The following JKAMP variants were observed in gnomAD, a reference collection of about 807,000 sequenced individuals.
The protein encoded by JKAMP is JNK1/MAPK8-associated membrane protein.
In JKAMP, 20 loss-of-function variants were observed where a neutral mutation model predicts 40.2. That is an observed-to-expected ratio of 0.50 (90% CI 0.35 to 0.72). The LOEUF (loss-of-function observed/expected upper bound fraction) is 0.72. Among genes scored for constraint, JKAMP ranks in the 30% least tolerant of loss-of-function variants. The probability of loss-of-function intolerance (pLI) is 0.01; values close to 1 mark genes in which losing one functional copy is unlikely to be tolerated. For synonymous variants in JKAMP, 138 were observed against 131.6 expected (o/e 1.05, Z -0.33); for missense variants, 276 against 373.0 (o/e 0.74, Z 2.14).
rs767399067 is a variant in JKAMP at position 59,500,618 on chromosome 14, T to C, written c.641-573T>C. Among the ~76,000 whole-genome samples, 8 of 152,220 alleles carry C rather than the reference T, an allele frequency of 5.3e-5. No homozygotes were observed. The East Asian group carries it at 7.7e-4, about 15-fold the overall frequency. ...ATTAATTAAAGCTGAGTTACTCTTA[T>C]AGATAACCTTTTTCAACTGCGGTTC... On this transcript the variant is annotated intron_variant, in intron 5 of 6. Transcript: ENST00000616435.
Position 59,494,873 on chromosome 14 carries a change from T to C in JKAMP, c.252-145T>C, listed in dbSNP as rs1891319865. On this transcript the variant is annotated intron_variant, in intron 3 of 6. Coordinates refer to ENST00000616435, the MANE Select transcript of JKAMP (RefSeq NM_016475.5). ...ATACTGCTACAGTGTTATTTATCCC[T>C]TTTGAGAAAAAAAGGTTATACTCGA... 3 of 624,510 alleles carry C rather than the reference T, an allele frequency of 4.8e-6. No individual in the cohort carries two copies. The African/African-American group carries it at 5.5e-5, about 11-fold the overall frequency. 38.7% of individuals were successfully genotyped at this position (624,510 alleles called of 1,614,324 possible). A position where few individuals can be genotyped will look rare whatever the true frequency, so the allele number is the denominator to read the frequency against.
At chr14:59,490,127 G>T (rs111932918) in intron 3 of JKAMP, among the ~76,000 whole-genome samples, 1,770 of 152,010 alleles carry the variant, frequency 0.012, 28 homozygotes, top group African/African-American at 0.041. Context: ...TCTCTATGTT[G>T]CCCAGGCTGG....
intron 5 of JKAMP, 23 bp from the exon 6 acceptor site, chr14:59,501,164 AACAT>A: frequency 7.2e-7 from 1 of 1,390,118 alleles, no homozygotes; most frequent in Non-Finnish European, 1.0e-6. Flanking sequence ...TTTCATTTCC[AACAT>A]AATACCAATG....
intron 3 of JKAMP, among the ~76,000 whole-genome samples, chr14:59,492,349 A>G (rs559924857): frequency 1.3e-5 from 2 of 152,346 alleles, no homozygotes; most frequent in Admixed American, 1.3e-4. Context: ...ACTGAGAAAG[A>G]AGGAGATGGA....
At chr14:59,491,665 A>G (rs1030853818) in intron 3 of JKAMP, among the ~76,000 whole-genome samples, 18 of 152,252 alleles carry the variant, frequency 1.2e-4, no homozygotes, top group African/African-American at 3.9e-4. Context: ...AGTCTGGGAA[A>G]GATAAACTAT....
In JKAMP at chr14:59,497,214, A is replaced by G. The variant is rs145252211; in HGVS notation, c.459-1513A>G. ...AAAAAACATGTAAGCTTCTATCATT[A>G]TAACTTACTGCAAAAAAATAACTTT... On this transcript the variant is annotated intron_variant, in intron 4 of 6. Transcript: ENST00000616435. Among the ~76,000 whole-genome samples, 722 of 152,280 alleles carry G rather than the reference A, an allele frequency of 4.7e-3. 4 individuals carry two copies. The highest frequency in any genetic ancestry group is 0.014 in the Middle Eastern group (4 of 294).
Position 59,484,531 on chromosome 14 carries a change from C to A in JKAMP, c.-59C>A. 6.4e-7 allele frequency: 1 copy of A among 1,555,770 alleles called. No homozygotes were observed. The highest frequency in any genetic ancestry group is 8.7e-7 in the Non-Finnish European group (1 of 1,148,794). On this transcript the variant is annotated 5_prime_UTR_variant, in exon 1 of 7. Transcript: ENST00000616435. ...CCGAGCTCGCTGTGGCCCGGATGTT[C>A]GGTGCAGCTGCCAGATCCGCTGATC...
intron 5 of JKAMP, among the ~76,000 whole-genome samples, chr14:59,499,469 A>G (rs1891710004): frequency 6.6e-6 from 1 of 152,156 alleles, no homozygotes; most frequent in South Asian, 2.1e-4. Flanking sequence ...AGTCCTCAAT[A>G]TATCTTTTAT....
In JKAMP at chr14:59,504,607, A is replaced by C. The variant is rs1199449509; in HGVS notation, c.*535A>C. On this transcript the variant is annotated 3_prime_UTR_variant, in exon 7 of 7. Coordinates refer to ENST00000616435, the MANE Select transcript of JKAMP (RefSeq NM_016475.5). ...ATTTTGATGTATTGCAAAAATAGAT[A>C]ATAATTTATATAACAGGTTTTCTGT... is the stretch of plus-strand genomic sequence containing the variant. 1 of 152,816 alleles carries C rather than the reference A, an allele frequency of 6.5e-6. No homozygotes were observed. The highest frequency in any genetic ancestry group is 1.5e-5 in the Non-Finnish European group (1 of 68,148). The allele number at this position is 152,816 out of a possible 1,614,324, so 9.5% of individuals were successfully genotyped here.
chr14:59,484,615 G>T, intron 1 of JKAMP, 22 bp downstream of exon 1: 1 of 1,578,172 alleles, frequency 6.3e-7, no homozygotes, highest in Non-Finnish European at 8.6e-7. Context: ...CCAAGATCCC[G>T]GGAAGCGTTT....
At chr14:59,495,303 GA>G (rs1891365295) in intron 4 of JKAMP, 79 bp downstream of exon 4, 1 of 1,097,796 alleles carries the variant, frequency 9.1e-7, no homozygotes, top group African/African-American at 1.6e-5. Flanking sequence ...GGCGTTTGGA[GA>G]CAAAAACAGG....
intron 3 of JKAMP, among the ~76,000 whole-genome samples, chr14:59,490,387 G>A (rs1485090570): frequency 1.3e-5 from 2 of 152,170 alleles, no homozygotes; most frequent in East Asian, 1.9e-4. Context: ...CATGAGATTT[G>A]GAGGGAATGA....
intron 5 of JKAMP, among the ~76,000 whole-genome samples, chr14:59,500,508 TAG>T (rs1273877685): frequency 6.6e-6 from 1 of 152,218 alleles, no homozygotes; most frequent in African/African-American, 2.4e-5. Context: ...GTATTTAAAG[TAG>T]AGATTGCAGG....
chr14:59,488,224 C>T (rs188626751), intron 3 of JKAMP, among the ~76,000 whole-genome samples: 3 of 151,926 alleles, frequency 2.0e-5, no homozygotes, highest in Admixed American at 1.3e-4. Context: ...TACAAAAACT[C>T]ATATTAACAT....
chr14:59,501,548 T>C (rs575675139), intron 6 of JKAMP, among the ~76,000 whole-genome samples: 1 of 152,330 alleles, frequency 6.6e-6, no homozygotes, highest in South Asian at 2.1e-4. Flanking sequence ...AGCAAACATA[T>C]AATTATTGAA....
chr14:59,500,957 A>G, intron 5 of JKAMP: 2 of 429,740 alleles, frequency 4.7e-6, no homozygotes, highest in South Asian at 7.8e-5. Context: ...CTTTCCCACT[A>G]CAACTGCAGA....
intron 1 of JKAMP, chr14:59,486,102 G>A (rs1188151890): frequency 2.6e-5 from 4 of 152,206 alleles, no homozygotes; most frequent in African/African-American, 7.2e-5. Flanking sequence ...TTTTAATGCA[G>A]TGGTTTCTAA....
At chr14:59,490,536 T>C (rs1343361764) in intron 3 of JKAMP, among the ~76,000 whole-genome samples, 1 of 152,170 alleles carries the variant, frequency 6.6e-6, no homozygotes, top group Admixed American at 6.5e-5. Context: ...AGATATTTAA[T>C]AGAAGACTGT....
In JKAMP at chr14:59,505,229, T is replaced by C; in HGVS notation, c.*1157T>C. Reference sequence around the variant, plus strand: ...CTGTCTTTTGAATTCACAGCAGTTGTATCCTTGAGTTACTTTGTTAATGTA... The same window carrying C: ...CTGTCTTTTGAATTCACAGCAGTTGCATCCTTGAGTTACTTTGTTAATGTA... On this transcript the variant is annotated 3_prime_UTR_variant, in exon 7 of 7. Transcript: ENST00000616435. The C allele has an allele frequency of 1.4e-6, 2 of 1,419,452 alleles. No individual in the cohort carries two copies. Among genetic ancestry groups the C allele is most frequent in the South Asian group, 1.3e-5 (1 of 74,692 alleles). The allele number at this position is 1,419,452 out of a possible 1,614,324, so 87.9% of individuals were successfully genotyped here. A position where few individuals can be genotyped will look rare whatever the true frequency, so the allele number is the denominator to read the frequency against.
Sources: allele counts gnomAD v4.1 joint callset (sites outside exome capture counted in the v4.1 genomes callset), GRCh38; gene constraint gnomAD v4.1.1; transcripts MANE v1.5; gene names NCBI Gene and HGNC (gene_info 2026-07-23, HGNC 2026-07-21).